ALMS1: variants seen among roughly 807,000 people sequenced by gnomAD.
The protein encoded by ALMS1 is centrosome-associated protein ALMS1.
Under a neutral mutation model 352.2 loss-of-function variants are expected in ALMS1, and 271 were observed. The ratio of observed to expected loss-of-function variants is 0.77; its 90% confidence interval spans 0.70 to 0.85. ALMS1 has a LOEUF of 0.85. ALMS1 is among the 40% of genes least tolerant of loss of function. The pLI is 0.00. For synonymous variants in ALMS1, 1,865 were observed against 1,761.2 expected (o/e 1.06, Z -1.48); for missense variants, 5,445 against 4,870.7 (o/e 1.12, Z -3.51).
At chr2:73,409,213 A>T (rs1014422234) in intron 2 of ALMS1, among the ~76,000 whole-genome samples, 10 of 152,036 alleles carry the variant, frequency 6.6e-5, no homozygotes, top group African/African-American at 2.4e-4. Context: ...TGTAAACTTT[A>T]TGTATATGTA....
chr2:73,474,866 G>A (rs1558660670), intron 9 of ALMS1, among the ~76,000 whole-genome samples: 1 of 152,040 alleles, frequency 6.6e-6, no homozygotes, highest in Admixed American at 6.6e-5. Context: ...TTTTACAATA[G>A]CATAATTTTA....
intron 16 of ALMS1, among the ~76,000 whole-genome samples, chr2:73,580,529 C>T (rs773562682): frequency 2.0e-5 from 3 of 152,178 alleles, no homozygotes; most frequent in Non-Finnish European, 4.4e-5. Flanking sequence ...TGATTTAAAG[C>T]TTTTGCCTAG....
chr2:73,580,637 A>T (rs1249220926), intron 16 of ALMS1, among the ~76,000 whole-genome samples: 1 of 152,196 alleles, frequency 6.6e-6, no homozygotes, highest in African/African-American at 2.4e-5. Flanking sequence ...TTCATGCCTC[A>T]TAATGTTATG....
chr2:73,542,847 A>G (rs6546844), intron 12 of ALMS1, among the ~76,000 whole-genome samples: 58,383 of 151,248 alleles, frequency 0.39, 15,678 homozygotes, highest in African/African-American at 0.77. Context: ...ACAAACCACT[A>G]CTCAATGAAA....
intron 9 of ALMS1, among the ~76,000 whole-genome samples, chr2:73,485,902 A>G (rs10195357): frequency 0.35 from 52,442 of 151,774 alleles, 11,667 homozygotes; most frequent in African/African-American, 0.63. Flanking sequence ...TGCGCTTCCC[A>G]AGTGAGGCAA....
Position 73,449,466 on chromosome 2 carries a change from A to C in ALMS1, c.2939A>C (p.Lys980Thr). 1.2e-6 allele frequency: 2 copies of C among 1,614,038 alleles called. No individual in the cohort carries two copies. Among genetic ancestry groups the C allele is most frequent in the Non-Finnish European group, 1.7e-6 (2 of 1,179,964 alleles). ...PDSDLPRESL[K>T]MSAIPGLTDQ... ...AGTGATCTACCTAGAGAATCTCTGA[A>C]AATGTCTGCTATTCCTGGACTGACT... The change falls in exon 8 of 23, where the codon AAA (lysine) becomes ACA (threonine). Residue 980 changes from lysine to threonine, a missense_variant. Physicochemically the swap from Lys to Thr is moderately conservative, Grantham distance 78. Transcript: ENST00000613296.
intron 11 of ALMS1, among the ~76,000 whole-genome samples, chr2:73,521,484 C>G (rs1673673774): frequency 6.6e-6 from 1 of 151,444 alleles, no homozygotes; most frequent in African/African-American, 2.4e-5. Context: ...CGCCTGTAAT[C>G]CCAGCACTTT....
At chr2:73,573,711 G>T in intron 16 of ALMS1, 1 of 598,394 alleles carries the variant, frequency 1.7e-6, no homozygotes, top group Non-Finnish European at 3.0e-6. Context: ...AGGTTAGAAT[G>T]ATCTCTATCC....
chr2:73,551,382 A>G (rs955803118), intron 13 of ALMS1, among the ~76,000 whole-genome samples: 1 of 121,198 alleles, frequency 8.3e-6, no homozygotes, highest in African/African-American at 3.3e-5. Context: ...TCATTCATCC[A>G]CCTTATCTGT....
In ALMS1 at chr2:73,557,362, A is replaced by T. The variant is rs752908691; in HGVS notation, c.10213+8A>T. On this transcript the variant is annotated splice_region_variant and intron_variant, in intron 14 of 22. Coordinates refer to ENST00000613296, the MANE Select transcript of ALMS1 (RefSeq NM_001378454.1). ...TGCAGAAAGATACTGCAGGTAGCTAAACTGGATTGTCTGCGTATTATTTTC... is the reference window on the plus strand; with the variant it reads ...TGCAGAAAGATACTGCAGGTAGCTATACTGGATTGTCTGCGTATTATTTTC... 3 of 1,614,108 alleles carry T rather than the reference A, an allele frequency of 1.9e-6. No individual in the cohort carries two copies. The Admixed American group carries it at 5.0e-5, about 27-fold the overall frequency.
intron 10 of ALMS1, among the ~76,000 whole-genome samples, chr2:73,501,792 A>G (rs368011531): frequency 1.3e-5 from 2 of 152,080 alleles, no homozygotes; most frequent in South Asian, 2.1e-4. Context: ...TTTTCATACA[A>G]ATTTTAGAAT....
chr2:73,468,224 C>G lies in ALMS1; in HGVS notation c.7674+12929C>G, dbSNP rs115094278. Among the ~76,000 whole-genome samples, 1,258 of 151,996 alleles carry G rather than the reference C, an allele frequency of 8.3e-3. 16 individuals are homozygous for G. Among genetic ancestry groups the G allele is most frequent in the African/African-American group, 0.029 (1,204 of 41,492 alleles). On this transcript the variant is annotated intron_variant, in intron 9 of 22. Transcript: ENST00000613296. ...ATAAATCTAACAAGATTTATGAGATCTTTTATTGGAGAATAGTAAAATTTA... is the reference window on the plus strand; with the variant it reads ...ATAAATCTAACAAGATTTATGAGATGTTTTATTGGAGAATAGTAAAATTTA...
intron 9 of ALMS1, among the ~76,000 whole-genome samples, chr2:73,473,498 T>C (rs143267724): frequency 5.3e-4 from 81 of 152,120 alleles, no homozygotes; most frequent in African/African-American, 1.9e-3. Context: ...ATGTCCAGTT[T>C]TCAACAAATT....
intron 11 of ALMS1, among the ~76,000 whole-genome samples, chr2:73,522,240 T>G (rs927999612): frequency 6.6e-6 from 1 of 152,208 alleles, no homozygotes; most frequent in Non-Finnish European, 1.5e-5. Flanking sequence ...GTCCAATCGT[T>G]GCTGTTAATT....
intron 1 of ALMS1, 29 bp downstream of exon 1, chr2:73,386,221 C>A (rs1670526880): frequency 6.7e-7 from 1 of 1,489,538 alleles, no homozygotes; most frequent in Non-Finnish European, 8.9e-7. Flanking sequence ...GGGTGTGGAG[C>A]CGCGGCGAGT....
At chr2:73,574,493 C>T (rs1675011029) in intron 16 of ALMS1, among the ~76,000 whole-genome samples, 1 of 151,992 alleles carries the variant, frequency 6.6e-6, no homozygotes, top group South Asian at 2.1e-4. Context: ...ATTTTGACAA[C>T]TTGTGCTAAA....
At chr2:73,475,144 G>A (rs1281418723) in intron 9 of ALMS1, among the ~76,000 whole-genome samples, 3 of 152,048 alleles carry the variant, frequency 2.0e-5, no homozygotes, top group East Asian at 1.9e-4. Flanking sequence ...TCATTAGTTG[G>A]TAGACATTTG....
chr2:73,594,063 A>G (rs1440244564), intron 16 of ALMS1, among the ~76,000 whole-genome samples: 2 of 152,192 alleles, frequency 1.3e-5, no homozygotes, highest in African/African-American at 4.8e-5. Context: ...TTTTGAGGGC[A>G]TATGTTTTCA....
intron 7 of ALMS1, among the ~76,000 whole-genome samples, chr2:73,436,506 A>G (rs1281052988): frequency 6.6e-6 from 1 of 152,172 alleles, no homozygotes; most frequent in Non-Finnish European, 1.5e-5. Flanking sequence ...CATCTCTTGC[A>G]TCACAGTCCA....
Sources: allele counts gnomAD v4.1 joint callset (sites outside exome capture counted in the v4.1 genomes callset), GRCh38; gene constraint gnomAD v4.1.1; transcripts MANE v1.5; gene names NCBI Gene and HGNC (gene_info 2026-07-23, HGNC 2026-07-21).